The following SELP variants were observed in gnomAD, a reference collection of about 807,000 sequenced individuals.
SELP encodes P-selectin.
In SELP, 92 loss-of-function variants were observed where a neutral mutation model predicts 104.1. The ratio of observed to expected loss-of-function variants is 0.88; its 90% confidence interval spans 0.75 to 1.05. The LOEUF (loss-of-function observed/expected upper bound fraction) is 1.05, where lower values mean the gene tolerates loss of function less well. SELP is among the 50% of genes least tolerant of loss of function. The pLI, the probability that SELP is intolerant of heterozygous loss-of-function variation, is 0.00. For synonymous variants in SELP, 397 were observed against 364.5 expected (o/e 1.09, Z -1.01); for missense variants, 1,022 against 1,017.3 (o/e 1.00, Z -0.06).
chr1:169,609,413 T>C (rs1482077184), intron 8 of SELP, 91 bp downstream of exon 8: 3 of 1,281,052 alleles, frequency 2.3e-6, no homozygotes, highest in Non-Finnish European at 2.2e-6. Flanking sequence ...AGTGAATATC[T>C]GATAAAGAAA....
At chr1:169,595,348 A>T (rs1369708921) in intron 12 of SELP, among the ~76,000 whole-genome samples, 1 of 152,172 alleles carries the variant, frequency 6.6e-6, no homozygotes, top group Non-Finnish European at 1.5e-5. Flanking sequence ...CTTCAGGGTT[A>T]TTCTTTCTAA....
intron 2 of SELP, among the ~76,000 whole-genome samples, chr1:169,618,184 AAT>A (rs754077589): frequency 2.6e-5 from 4 of 152,146 alleles, no homozygotes; most frequent in Admixed American, 6.5e-5. Context: ...TTTAGCACTT[AAT>A]AGGCCTTCAA....
rs770969448 is a variant in SELP, at chr1:169,611,493, C to T, written c.1146G>A (p.Glu382=). 1 of 1,613,552 alleles carries T rather than the reference C, an allele frequency of 6.2e-7. No individual in the cohort carries two copies. Among genetic ancestry groups the T allele is most frequent in the African/African-American group, 1.3e-5 (1 of 74,866 alleles). The change falls in exon 7 of 17, where the codon GAG becomes GAA. Residue 382 remains glutamate, a splice_region_variant and synonymous_variant. Transcript: ENST00000263686. ...GAGGTTGCTAATGAAAAATCCTACC[C>T]TCACAGGTTGGCAAGGGTGCAGACC... ...GHWSAPLPTC[E]AISCEPLESP... is the part of the protein sequence containing the mutation.
chr1:169,597,756 T>A (rs774593243), intron 10 of SELP, among the ~76,000 whole-genome samples: 1 of 152,210 alleles, frequency 6.6e-6, no homozygotes, highest in Non-Finnish European at 1.5e-5. Context: ...CTGGTCAAGA[T>A]AGATTAGTTT....
At chr1:169,591,508 G>A (rs946613164) in intron 14 of SELP, 52 bp from the exon 15 acceptor site, 10 of 1,248,446 alleles carry the variant, frequency 8.0e-6, no homozygotes, top group Non-Finnish European at 1.0e-5. Flanking sequence ...AAAACAAGAT[G>A]AAAGAGAGGG....
intron 1 of SELP, among the ~76,000 whole-genome samples, chr1:169,625,391 C>T (rs2101933654): frequency 6.6e-6 from 1 of 152,336 alleles, no homozygotes; most frequent in East Asian, 1.9e-4. Context: ...TGGCCCTATT[C>T]TCTTCTCATT....
intron 9 of SELP, among the ~76,000 whole-genome samples, chr1:169,605,719 G>T (rs1488069926): frequency 6.6e-6 from 1 of 152,112 alleles, no homozygotes; most frequent in Non-Finnish European, 1.5e-5. Context: ...GAAAAGCGGA[G>T]AAAATATTGG....
In SELP at chr1:169,593,807, A is replaced by G. The variant is rs535569223; in HGVS notation, c.2288-83T>C. 26 of 1,452,750 alleles carry G rather than the reference A, an allele frequency of 1.8e-5. No individual in the cohort carries two copies. In the African/African-American group the frequency reaches 3.2e-4, roughly 18 times the overall value. 90.0% of individuals were successfully genotyped at this position (1,452,750 alleles called of 1,614,324 possible). ...GTCTTTCTCTCCCAGAAAGTTTTCAAGAACTCTAAGATGTGCGATCAAGTA... is the reference window on the plus strand; with the variant it reads ...GTCTTTCTCTCCCAGAAAGTTTTCAGGAACTCTAAGATGTGCGATCAAGTA... On this transcript the variant is annotated intron_variant, in intron 13 of 16. Transcript: ENST00000263686.
At chr1:169,626,860 A>C (rs1048006277) in intron 1 of SELP, among the ~76,000 whole-genome samples, 2 of 152,154 alleles carry the variant, frequency 1.3e-5, no homozygotes, top group African/African-American at 2.4e-5. Flanking sequence ...ACACCCGGCT[A>C]ATTTTTTGTA....
intron 8 of SELP, among the ~76,000 whole-genome samples, chr1:169,608,686 A>G (rs947194710): frequency 1.3e-5 from 2 of 152,166 alleles, no homozygotes; most frequent in Non-Finnish European, 2.9e-5. Flanking sequence ...GTGCACAAAT[A>G]TCTCTTCAAG....
chr1:169,606,878 C>T (rs769473945), intron 9 of SELP, 71 bp downstream of exon 9: 22 of 1,396,406 alleles, frequency 1.6e-5, no homozygotes, highest in Non-Finnish European at 1.9e-5. Flanking sequence ...TAGTTGTCAC[C>T]TCTAAAATCC....
rs1662380725 is a variant in SELP, at chr1:169,609,498, C to T, written c.1333+6G>A. On this transcript the variant is annotated splice_donor_region_variant and intron_variant, in intron 8 of 16. Coordinates refer to ENST00000263686, the MANE Select transcript of SELP (RefSeq NM_003005.4). Reference sequence around the variant, plus strand: ...ACACAGAAAAACATTACCACTGTTACAGTACCTTGACAGACTGGGGCTGGT... The same window carrying T: ...ACACAGAAAAACATTACCACTGTTATAGTACCTTGACAGACTGGGGCTGGT... 7 of 1,609,056 alleles carry T rather than the reference C, an allele frequency of 4.4e-6. No homozygotes were observed. In the South Asian group the frequency reaches 6.6e-5, roughly 15 times the overall value.
In SELP at chr1:169,626,403, G is replaced by A. The variant is rs532642059; in HGVS notation, c.3+3669C>T. 6.3e-4 allele frequency among the ~76,000 whole-genome samples: 96 copies of A among 152,294 alleles called. 1 individual carries two copies. Among genetic ancestry groups the A allele is most frequent in the African/African-American group, 7.5e-4 (31 of 41,552 alleles). ...TCAAGACCAGCCTTGCCAACATGGC[G>A]AAACCAACTCCACTAAAAAATACAA... On this transcript the variant is annotated intron_variant, in intron 1 of 16. Coordinates refer to ENST00000263686, the MANE Select transcript of SELP (RefSeq NM_003005.4).
At chr1:169,611,171 C>A (rs1189079732) in intron 7 of SELP, among the ~76,000 whole-genome samples, 1 of 152,176 alleles carries the variant, frequency 6.6e-6, no homozygotes, top group African/African-American at 2.4e-5. Flanking sequence ...TCTTTAGCCA[C>A]CTTAGCCGCT....
rs1048476306 is a variant in SELP at position 169,611,601 on chromosome 1, A to G, written c.1038T>C (p.Tyr346=). Residue 346 remains tyrosine, a synonymous_variant, in exon 7 of 17, where the codon TAT becomes TAC. Transcript: ENST00000263686. ...GGCACTCAAATTTACAGCTGGAGCC[A>G]TAGGCAAAAGCAGTGAGCGGATGAA... The part of the protein sequence containing the change: ...DCVHPLTAFA[Y]GSSCKFECQP... 1.9e-6 allele frequency: 3 copies of G among 1,614,046 alleles called. No individual in the cohort carries two copies. The highest frequency in any genetic ancestry group is 1.3e-5 in the African/African-American group (1 of 74,914).
At chr1:169,597,238 A>G in intron 10 of SELP, 62 bp from the exon 11 acceptor site, 2 of 1,417,554 alleles carry the variant, frequency 1.4e-6, no homozygotes, top group South Asian at 1.4e-5. Flanking sequence ...TGTGTTACAC[A>G]AAGTTCATTC....
At chr1:169,620,067 G>A (rs114711583) in intron 1 of SELP, among the ~76,000 whole-genome samples, 3 of 152,042 alleles carry the variant, frequency 2.0e-5, no homozygotes, top group Admixed American at 1.3e-4. Flanking sequence ...AATTAGACAG[G>A]TGTGGTGGCG....
intron 1 of SELP, among the ~76,000 whole-genome samples, chr1:169,620,947 TTCTGTGTGTG>T (rs1663081045): frequency 8.4e-5 from 6 of 71,416 alleles, no homozygotes; most frequent in African/African-American, 3.8e-4. Context: ...CAGTGTGGGG[TTCTGTGTGTG>T]TGTGTGTGTG....
Position 169,613,073 on chromosome 1 carries a change from T to A in SELP, c.631A>T (p.Met211Leu), listed in dbSNP as rs373024427. The change falls in exon 5 of 17, where the codon ATG becomes TTG. Residue 211 changes from methionine to leucine, a missense_variant. Coordinates refer to ENST00000263686, the MANE Select transcript of SELP (RefSeq NM_003005.4). ...GELELPQHVL[M>L]NCSHPLGNFS... ...TTTCCCAGAGGGTGGCTGCAGTTCA[T>A]GAGCACGTGTTGAGGGAGCTCAAGT... 2.1e-5 allele frequency: 34 copies of A among 1,613,082 alleles called. No homozygotes were observed. The highest frequency in any genetic ancestry group is 2.9e-5 in the Non-Finnish European group (34 of 1,179,478).
Sources: gnomAD v4.1 joint callset for allele counts (sites outside exome capture counted in the v4.1 genomes callset) on GRCh38, gnomAD v4.1.1 for gene constraint, MANE v1.5 for transcripts, NCBI Gene and HGNC (gene_info 2026-07-23, HGNC 2026-07-21) for gene names.